Variants in UNC13C observed in about 807,000 individuals in gnomAD.
UNC13C encodes unc-13 homolog C.
In UNC13C, 174 loss-of-function variants were observed where a neutral mutation model predicts 245.4. The ratio of observed to expected loss-of-function variants is 0.71; its 90% confidence interval spans 0.63 to 0.80. The LOEUF is 0.80. UNC13C is among the 30% of genes least tolerant of loss of function. UNC13C has a pLI of 0.00. For missense variants in UNC13C, 2,829 were observed against 2,602.9 expected, an observed-to-expected ratio of 1.09 and a Z score of -1.89; for synonymous variants, 992 against 895.1, an observed-to-expected ratio of 1.11 and a Z score of -1.93.
At chr15:54,579,738 G>A (rs373348698) in intron 30 of UNC13C, among the ~76,000 whole-genome samples, 37 of 152,146 alleles carry the variant, frequency 2.4e-4, no homozygotes, top group Non-Finnish European at 3.4e-4. Flanking sequence ...CAGCCTGGGC[G>A]ACAGAGCAAG....
chr15:54,211,885 T>C (rs111500993), intron 4 of UNC13C, among the ~76,000 whole-genome samples: 25 of 152,092 alleles, frequency 1.6e-4, no homozygotes, highest in African/African-American at 6.0e-4. Flanking sequence ...CTATCATTAT[T>C]GATGCCAAAG....
intron 2 of UNC13C, among the ~76,000 whole-genome samples, chr15:54,066,817 T>C (rs1396174347): frequency 1.3e-5 from 2 of 152,164 alleles, no homozygotes; most frequent in Non-Finnish European, 2.9e-5. Context: ...AAGATGTCCA[T>C]CTGGTTTTGT....
chr15:54,056,122 C>T (rs1041267354), intron 2 of UNC13C, among the ~76,000 whole-genome samples: 13 of 151,998 alleles, frequency 8.6e-5, no homozygotes, highest in South Asian at 2.1e-4. Flanking sequence ...ATGACTTTGA[C>T]GAGTTGAGAG....
chr15:54,249,501 G>A (rs2036084490), intron 7 of UNC13C, among the ~76,000 whole-genome samples: 1 of 152,102 alleles, frequency 6.6e-6, no homozygotes, highest in Admixed American at 6.5e-5. Context: ...GCACTAAGAA[G>A]AAAAACATGG....
At chr15:54,624,889 T>C (rs75947886) in intron 32 of UNC13C, among the ~76,000 whole-genome samples, 2,757 of 152,112 alleles carry the variant, frequency 0.018, 86 homozygotes, top group African/African-American at 0.063. Context: ...ATTTGAGTAA[T>C]CATGGGAACT....
chr15:53,928,678 G>C, the UNC13C span, among the ~76,000 whole-genome samples: 13 of 152,336 alleles, frequency 8.5e-5, no homozygotes, highest in Middle Eastern at 6.8e-3. Flanking sequence ...GTGAATGTGA[G>C]TTCTTGCAGT....
rs537504777 is a variant in UNC13C, at chr15:54,114,135, CATG to C, written c.2984-28879_2984-28877del. Reference sequence around the variant, plus strand: ...ACTAGTATGTAAATTTTGTAGAAAGCATGATGTTACCTCCTTAATGTATGCATC... The same window carrying C: ...ACTAGTATGTAAATTTTGTAGAAAGCATGTTACCTCCTTAATGTATGCATC... On this transcript the variant is annotated intron_variant, in intron 2 of 32. Coordinates refer to ENST00000260323, the MANE Select transcript of UNC13C (RefSeq NM_001080534.3). 1.4e-3 allele frequency among the ~76,000 whole-genome samples: 216 copies of C among 152,304 alleles called. 1 individual carries two copies. The highest frequency in any genetic ancestry group is 4.3e-3 in the African/African-American group (177 of 41,572).
At chr15:54,618,691 T>C (rs1246752934) in intron 30 of UNC13C, among the ~76,000 whole-genome samples, 1 of 152,124 alleles carries the variant, frequency 6.6e-6, no homozygotes, top group Non-Finnish European at 1.5e-5. Flanking sequence ...GTAAAATATG[T>C]GGCACAATAT....
chr15:54,601,892 G>T (rs1899452945), intron 30 of UNC13C, among the ~76,000 whole-genome samples: 2 of 152,148 alleles, frequency 1.3e-5, no homozygotes, highest in Admixed American at 1.3e-4. Context: ...GCATGGCCTG[G>T]TCTCTGCAAT....
intron 17 of UNC13C, among the ~76,000 whole-genome samples, chr15:54,361,593 G>A (rs775025642): frequency 9.2e-5 from 14 of 152,182 alleles, no homozygotes; most frequent in Non-Finnish European, 1.8e-4. Context: ...CATTTGAGAA[G>A]AGAATCACCT....
At chr15:54,454,387 G>A in intron 19 of UNC13C, among the ~76,000 whole-genome samples, 1 of 151,948 alleles carries the variant, frequency 6.6e-6, no homozygotes, top group East Asian at 1.9e-4. Context: ...GACCAGCCTA[G>A]CCAACATGGT....
At chr15:54,334,876 C>T (rs1000484421) in intron 16 of UNC13C, among the ~76,000 whole-genome samples, 7 of 152,048 alleles carry the variant, frequency 4.6e-5, no homozygotes, top group Non-Finnish European at 8.8e-5. Flanking sequence ...CACAGTGCTA[C>T]CCATCTACCA....
chr15:54,205,961 C>G (rs2034696659), intron 4 of UNC13C, among the ~76,000 whole-genome samples: 2 of 151,992 alleles, frequency 1.3e-5, no homozygotes, highest in African/African-American at 4.8e-5. Context: ...ACACATTTCT[C>G]TAGCTGAACT....
the UNC13C span, among the ~76,000 whole-genome samples, chr15:53,859,954 G>C: frequency 4.6e-5 from 7 of 152,118 alleles, no homozygotes; most frequent in Non-Finnish European, 1.0e-4. Context: ...CTGTCCTCTT[G>C]CTCCTTGGAA....
chr15:54,607,175 G>C (rs1341744657), intron 30 of UNC13C, among the ~76,000 whole-genome samples: 1 of 152,122 alleles, frequency 6.6e-6, no homozygotes, highest in Non-Finnish European at 1.5e-5. Flanking sequence ...TGCAAGTAAT[G>C]GTTGGTAGTG....
At chr15:54,450,203 G>T (rs1475276689) in intron 19 of UNC13C, among the ~76,000 whole-genome samples, 2 of 152,232 alleles carry the variant, frequency 1.3e-5, no homozygotes, top group African/African-American at 4.8e-5. Context: ...CTCCCAGTTA[G>T]GCTACTCGGG....
intron 2 of UNC13C, among the ~76,000 whole-genome samples, chr15:54,095,600 C>G (rs936241195): frequency 1.6e-4 from 25 of 152,200 alleles, no homozygotes; most frequent in African/African-American, 6.0e-4. Context: ...AATGCTGAAT[C>G]TTAGGTCTCA....
the UNC13C span, among the ~76,000 whole-genome samples, chr15:53,931,829 G>T: frequency 8.5e-5 from 13 of 152,286 alleles, no homozygotes; most frequent in South Asian, 2.7e-3. Flanking sequence ...CTACAAATCA[G>T]GGTGAGTCCT....
At chr15:54,591,902 C>G (rs1442249253) in intron 30 of UNC13C, among the ~76,000 whole-genome samples, 1 of 152,000 alleles carries the variant, frequency 6.6e-6, no homozygotes, top group Admixed American at 6.6e-5. Context: ...TGTGTGTGCT[C>G]TTTCAATGTT....
Sources: gnomAD v4.1 joint callset for allele counts (sites outside exome capture counted in the v4.1 genomes callset) on GRCh38, gnomAD v4.1.1 for gene constraint, MANE v1.5 for transcripts, NCBI Gene and HGNC (gene_info 2026-07-23, HGNC 2026-07-21) for gene names.